The following GCNT2 variants were observed in gnomAD, a reference collection of about 807,000 sequenced individuals.
The protein encoded by GCNT2 is N-acetyllactosaminide beta-1,6-N-acetylglucosaminyl-transferase.
A neutral mutation model predicts 34.2 loss-of-function variants in GCNT2; 34 were observed. The ratio of observed to expected loss-of-function variants is 1.00; its 90% CI spans 0.76 to 1.32. The LOEUF (loss-of-function observed/expected upper bound fraction) is 1.32. Among genes scored for constraint, GCNT2 ranks in the 40% most tolerant of loss-of-function variants. GCNT2 has a pLI of 0.00. For synonymous variants in GCNT2, 212 were observed against 188.0 expected (o/e 1.13, Z -1.04); for missense variants, 584 against 489.4 (o/e 1.19, Z -1.82).
At chr6:10,619,493 G>A (rs911213183) in intron 3 of GCNT2, 2 of 152,238 alleles carry the variant, frequency 1.3e-5, no homozygotes, top group African/African-American at 2.4e-5. Context: ...GGGACCACAG[G>A]TGGGAGTCAC....
At chr6:10,583,298 G>A (rs746720318) in intron 3 of GCNT2, among the ~76,000 whole-genome samples, 2 of 152,100 alleles carry the variant, frequency 1.3e-5, no homozygotes, top group Non-Finnish European at 2.9e-5. Flanking sequence ...CAGAGAGGGG[G>A]CAGGGAAATG....
At chr6:10,615,307 C>T (rs1385748524) in intron 3 of GCNT2, among the ~76,000 whole-genome samples, 1 of 152,120 alleles carries the variant, frequency 6.6e-6, no homozygotes. Flanking sequence ...TACAAGAGGC[C>T]TGGCGTGGGT....
chr6:10,542,017 T>C (rs1416277094), intron 3 of GCNT2, among the ~76,000 whole-genome samples: 2 of 152,148 alleles, frequency 1.3e-5, no homozygotes, highest in Non-Finnish European at 2.9e-5. Context: ...AACACAAAGC[T>C]TGGCGTCAGA....
rs533382822 is a variant in GCNT2, at chr6:10,567,557, C to G, written c.925+37721C>G. Among the ~76,000 whole-genome samples the G allele has an allele frequency of 6.6e-5, 10 of 152,294 alleles. No homozygotes were observed. The South Asian group carries it at 2.1e-3, about 32-fold the overall frequency. The stretch of plus-strand genomic sequence containing the variant: ...GGAATATTAACTTTTAGGCCTTTTT[C>G]CCTTTACTCATTGACTCTGCAACCT... On this transcript the variant is annotated intron_variant, in intron 3 of 4. Transcript: ENST00000495262.
At position 10,550,340 on chromosome 6, in the gene GCNT2, A is replaced by AT. The variant is rs554606041; in HGVS notation, c.925+20514dup. 3.0e-3 allele frequency among the ~76,000 whole-genome samples: 446 copies of AT among 148,462 alleles called. 1 individual carries two copies. The highest frequency in any genetic ancestry group is 7.5e-3 in the East Asian group (38 of 5,046). On this transcript the variant is annotated intron_variant, in intron 3 of 4. Transcript: ENST00000495262. ...CATGAGCCACTGAGTCCGGCCTAAC[A>AT]TTTTTTTTTTCTTACAATATATTAA...
chr6:10,548,764 CCTT>C (rs1007139210), intron 3 of GCNT2, among the ~76,000 whole-genome samples: 1 of 151,504 alleles, frequency 6.6e-6, no homozygotes, highest in African/African-American at 2.4e-5. Context: ...TATTTGGAGA[CCTT>C]TTTTTTTTTT....
In GCNT2 at chr6:10,557,463, C is replaced by T. The variant is rs192364964; in HGVS notation, c.925+27627C>T. 33 of 770,472 alleles carry T rather than the reference C, an allele frequency of 4.3e-5. No homozygotes were observed. The East Asian group carries it at 7.7e-4, about 18-fold the overall frequency. The allele number at this position is 770,472 out of a possible 1,614,324, so 47.7% of individuals were successfully genotyped here. On this transcript the variant is annotated intron_variant, in intron 3 of 4. Transcript: ENST00000495262. ...AAACTGGAACATATATAGTTCTCAC[C>T]CTAGTCCTTTCTAAATGCAGAAAGA...
chr6:10,521,466 G>C (rs573046367), intron 1 of GCNT2, 49 bp downstream of exon 1: 17 of 152,830 alleles, frequency 1.1e-4, no homozygotes, highest in African/African-American at 4.1e-4. Context: ...AGGAAACTGC[G>C]GGGAGCTGGT....
Position 10,534,139 on chromosome 6 carries a change from C to CTTTTTTTTTTTTTTT in GCNT2, c.925+4304_925+4305insTTTTTTTTTTTTTTT, listed in dbSNP as rs1491129469. On this transcript the variant is annotated intron_variant, in intron 3 of 4. Coordinates refer to ENST00000495262, the MANE Select transcript of GCNT2 (RefSeq NM_145649.5). Reference sequence around the variant, plus strand: ...CTGGTATCTGCCAGATTCCATGCTGCTCTTTTTTTTTTTTTTTTTTAAGAT... The same window carrying CTTTTTTTTTTTTTTT: ...CTGGTATCTGCCAGATTCCATGCTGCTTTTTTTTTTTTTTTTCTTTTTTTTTTTTTTTTTTAAGAT... 3.2e-3 allele frequency among the ~76,000 whole-genome samples: 394 copies of CTTTTTTTTTTTTTTT among 123,136 alleles called. 44 individuals carry two copies. The highest frequency in any genetic ancestry group is 5.1e-3 in the South Asian group (16 of 3,128). The allele number at this position is 123,136 out of a possible 152,430, so 80.8% of individuals were successfully genotyped here.
chr6:10,537,698 C>CAAAAA (rs201257236), intron 3 of GCNT2, among the ~76,000 whole-genome samples: 135 of 83,144 alleles, frequency 1.6e-3, no homozygotes, highest in Middle Eastern at 6.7e-3. Flanking sequence ...GATTCTGCCG[C>CAAAAA]AAAAAAAAAA....
rs565648172 is a variant in GCNT2, at chr6:10,601,953, A to C, written c.926-19398A>C. On this transcript the variant is annotated intron_variant, in intron 3 of 4. Coordinates refer to ENST00000495262, the MANE Select transcript of GCNT2 (RefSeq NM_145649.5). ...GAGACTCCATCTCAAGAAAAAAAAA[A>C]AAAAAAACAAAAAAAACACTAAAGC... is the stretch of plus-strand genomic sequence containing the variant. Among the ~76,000 whole-genome samples the C allele has an allele frequency of 2.8e-4, 42 of 148,842 alleles. 1 individual carries two copies. In the South Asian group the frequency reaches 5.4e-3, roughly 19 times the overall value.
At chr6:10,587,454 A>G (rs146193159) in intron 3 of GCNT2, among the ~76,000 whole-genome samples, 3 of 152,344 alleles carry the variant, frequency 2.0e-5, no homozygotes, top group African/African-American at 4.8e-5. Context: ...GCCAGGTCTC[A>G]GCTCTTCTTG....
chr6:10,583,230 G>C (rs192143736), intron 3 of GCNT2, among the ~76,000 whole-genome samples: 2 of 152,246 alleles, frequency 1.3e-5, no homozygotes, highest in East Asian at 3.9e-4. Context: ...TCGCATCCAC[G>C]GCACTGTTGC....
intron 3 of GCNT2, among the ~76,000 whole-genome samples, chr6:10,565,060 C>T (rs900126876): frequency 2.0e-5 from 3 of 152,186 alleles, no homozygotes; most frequent in Non-Finnish European, 4.4e-5. Context: ...GAGAGTGAGC[C>T]AGCCACGCAC....
chr6:10,541,538 C>T (rs930338164), intron 3 of GCNT2, among the ~76,000 whole-genome samples: 1 of 152,098 alleles, frequency 6.6e-6, no homozygotes, highest in East Asian at 1.9e-4. Context: ...ATCGCTGGGT[C>T]AAATTCCTAT....
intron 3 of GCNT2, among the ~76,000 whole-genome samples, chr6:10,539,581 G>A (rs1454489704): frequency 4.6e-5 from 7 of 152,142 alleles, no homozygotes; most frequent in African/African-American, 1.7e-4. Flanking sequence ...TTGTAGGACT[G>A]TTGAAGGATT....
At chr6:10,566,763 T>C (rs1305888578) in intron 3 of GCNT2, among the ~76,000 whole-genome samples, 1 of 152,208 alleles carries the variant, frequency 6.6e-6, no homozygotes, top group African/African-American at 2.4e-5. Context: ...CTACACAGAC[T>C]TAATTAAATG....
intron 3 of GCNT2, among the ~76,000 whole-genome samples, chr6:10,531,551 C>T (rs549472876): frequency 6.6e-6 from 1 of 152,224 alleles, no homozygotes; most frequent in South Asian, 2.1e-4. Context: ...GGGTGTAAAC[C>T]ATTGCAGGTG....
At chr6:10,617,963 C>A (rs1471939330) in intron 3 of GCNT2, among the ~76,000 whole-genome samples, 3 of 151,580 alleles carry the variant, frequency 2.0e-5, no homozygotes, top group Non-Finnish European at 4.4e-5. Flanking sequence ...CCACGTTGGA[C>A]AGGCTGGTCT....
Sources: allele counts gnomAD v4.1 joint callset (sites outside exome capture counted in the v4.1 genomes callset), GRCh38; gene constraint gnomAD v4.1.1; transcripts MANE v1.5; gene names NCBI Gene and HGNC (gene_info 2026-07-23, HGNC 2026-07-21).